The following CTNNA2 variants were observed in gnomAD, a reference collection of about 807,000 sequenced individuals.
The protein encoded by CTNNA2 is catenin alpha 2, also known as catenin alpha-2.
Under a neutral mutation model 101.0 loss-of-function variants are expected in CTNNA2, and 42 were observed. The observed-to-expected ratio is 0.42, with a 90% CI of 0.32 to 0.54. CTNNA2 has a LOEUF of 0.54. Among genes scored for constraint, CTNNA2 ranks in the 20% least tolerant of loss-of-function variants. The pLI is 0.14. For missense variants in CTNNA2, 871 were observed against 1,223.1 expected, an observed-to-expected ratio of 0.71 and a Z score of 4.29; for synonymous variants, 450 against 456.4, an observed-to-expected ratio of 0.99 and a Z score of 0.18.
chr2:80,429,373 G>T (rs1386911428), intron 9 of CTNNA2, among the ~76,000 whole-genome samples: 1 of 152,028 alleles, frequency 6.6e-6, no homozygotes, highest in Non-Finnish European at 1.5e-5. Context: ...TTTAATAATT[G>T]ACCCAATGTC....
intron 7 of CTNNA2, among the ~76,000 whole-genome samples, chr2:80,046,634 A>C (rs1696544973): frequency 6.6e-6 from 1 of 152,194 alleles, no homozygotes; most frequent in Admixed American, 6.5e-5. Context: ...GGAACCATTC[A>C]GAACCACTCA....
At chr2:79,278,423 A>G (rs1386929285) in intron 2 of CTNNA2, among the ~76,000 whole-genome samples, 1 of 152,042 alleles carries the variant, frequency 6.6e-6, no homozygotes, top group Non-Finnish European at 1.5e-5. Flanking sequence ...TAATAGGGGC[A>G]TTATTGTATT....
chr2:80,098,462 A>C (rs1015131370), intron 7 of CTNNA2, among the ~76,000 whole-genome samples: 5 of 152,202 alleles, frequency 3.3e-5, no homozygotes, highest in African/African-American at 4.8e-5. Flanking sequence ...TCAGGGACCC[A>C]CTTGAGAGGC....
intron 12 of CTNNA2, among the ~76,000 whole-genome samples, chr2:80,563,602 C>T (rs1693797278): frequency 6.6e-6 from 1 of 152,136 alleles, no homozygotes; most frequent in Admixed American, 6.6e-5. Flanking sequence ...TCTCCAACTC[C>T]TAGCCTCATG....
chr2:80,566,044 G>C (rs4852583), intron 12 of CTNNA2, among the ~76,000 whole-genome samples: 60,655 of 151,962 alleles, frequency 0.4, 12,446 homozygotes, highest in South Asian at 0.59. Context: ...CATGTGTCCT[G>C]CTAGCTAGTT....
At chr2:79,889,314 G>C (rs990022133) in intron 6 of CTNNA2, among the ~76,000 whole-genome samples, 1 of 152,120 alleles carries the variant, frequency 6.6e-6, no homozygotes, top group Admixed American at 6.6e-5. Context: ...AACCTATTGA[G>C]TCCCATTCTT....
chr2:79,832,129 C>T (rs1050457486), intron 3 of CTNNA2, among the ~76,000 whole-genome samples: 1 of 152,182 alleles, frequency 6.6e-6, no homozygotes, highest in African/African-American at 2.4e-5. Context: ...ACTTCAATCT[C>T]ATCTATCACA....
rs557128374 is a variant in CTNNA2 at position 79,574,360 on chromosome 2, C to T, written c.-6+61153C>T. On this transcript the variant is annotated intron_variant, in intron 1 of 18. Coordinates refer to ENST00000402739, the MANE Select transcript of CTNNA2 (RefSeq NM_001282597.3). ...CAAAAGGTAGTTTTTCAGTCCTCAC[C>T]CCCCTTCCACCCTCCACCCTCAAGT... Among the ~76,000 whole-genome samples, 10 of 152,140 alleles carry T rather than the reference C, an allele frequency of 6.6e-5. No individual in the cohort carries two copies. In the East Asian group the frequency reaches 1.7e-3, roughly 27 times the overall value.
At chr2:79,781,121 C>T (rs904633767) in intron 3 of CTNNA2, among the ~76,000 whole-genome samples, 1 of 152,150 alleles carries the variant, frequency 6.6e-6, no homozygotes, top group East Asian at 1.9e-4. Flanking sequence ...CTGCTGGTTG[C>T]TCATTTTTGT....
intron 8 of CTNNA2, among the ~76,000 whole-genome samples, chr2:80,413,227 A>G (rs1364316083): frequency 2.0e-5 from 3 of 152,198 alleles, no homozygotes; most frequent in Non-Finnish European, 4.4e-5. Flanking sequence ...TTGATCCAGC[A>G]GACCTGAATG....
chr2:80,211,395 A>G (rs896015936), intron 7 of CTNNA2, among the ~76,000 whole-genome samples: 1 of 152,128 alleles, frequency 6.6e-6, no homozygotes, highest in African/African-American at 2.4e-5. Context: ...ATTTTTGTAT[A>G]AGGTATAAGA....
intron 1 of CTNNA2, among the ~76,000 whole-genome samples, chr2:79,552,438 A>G (rs1674167832): frequency 6.6e-6 from 1 of 152,236 alleles, no homozygotes; most frequent in Non-Finnish European, 1.5e-5. Context: ...CAGTAAATCT[A>G]CAATTCTGGA....
intron 7 of CTNNA2, among the ~76,000 whole-genome samples, chr2:80,178,767 G>A (rs1449559500): frequency 2.0e-5 from 3 of 152,162 alleles, no homozygotes; most frequent in Admixed American, 1.3e-4. Context: ...GGGGCCAAAT[G>A]CAGCAACTTA....
chr2:79,826,314 G>A (rs1359470354), intron 3 of CTNNA2, among the ~76,000 whole-genome samples: 2 of 152,200 alleles, frequency 1.3e-5, no homozygotes, highest in African/African-American at 2.4e-5. Flanking sequence ...AACAAAATTC[G>A]ATAACAGTCA....
chr2:80,360,532 C>T (rs920101123), intron 7 of CTNNA2, among the ~76,000 whole-genome samples: 1 of 152,034 alleles, frequency 6.6e-6, no homozygotes, highest in Admixed American at 6.6e-5. Flanking sequence ...ATTTCAACCA[C>T]AGGAGCATCT....
rs184733342 is a variant in CTNNA2 at position 79,652,880 on chromosome 2, C to T, written c.102+1222C>T. The stretch of plus-strand genomic sequence containing the variant: ...CATCAACTCAAGTTCAAAATATCAT[C>T]TAAATTTCATCAGCTTAAAAGTCCC... On this transcript the variant is annotated intron_variant, in intron 2 of 18. Coordinates refer to ENST00000402739, the MANE Select transcript of CTNNA2 (RefSeq NM_001282597.3). Among the ~76,000 whole-genome samples, 434 of 152,238 alleles carry T rather than the reference C, an allele frequency of 2.9e-3. 1 individual carries two copies. The highest frequency in any genetic ancestry group is 9.8e-3 in the African/African-American group (408 of 41,538).
At chr2:79,554,270 G>A (rs902806957) in intron 1 of CTNNA2, among the ~76,000 whole-genome samples, 2 of 151,768 alleles carry the variant, frequency 1.3e-5, no homozygotes, top group African/African-American at 2.4e-5. Flanking sequence ...GAACTGATAC[G>A]ATAGCCTTCT....
At chr2:80,088,938 G>A (rs1256145965) in intron 7 of CTNNA2, among the ~76,000 whole-genome samples, 2 of 151,898 alleles carry the variant, frequency 1.3e-5, no homozygotes, top group Admixed American at 1.3e-4. Flanking sequence ...CTCCTGCTTG[G>A]AAATTTATAA....
intron 1 of CTNNA2, among the ~76,000 whole-genome samples, chr2:79,611,831 T>C (rs527388588): frequency 1.3e-5 from 2 of 152,332 alleles, no homozygotes; most frequent in East Asian, 1.9e-4. Context: ...AAGTCAGCGA[T>C]ATAAATAACC....
Sources: allele counts gnomAD v4.1 joint callset (sites outside exome capture counted in the v4.1 genomes callset), GRCh38; gene constraint gnomAD v4.1.1; transcripts MANE v1.5; gene names NCBI Gene and HGNC (gene_info 2026-07-23, HGNC 2026-07-21).